The following ANO3 variants were observed in gnomAD, a reference collection of about 807,000 sequenced individuals.
ANO3 encodes the protein anoctamin 3, also known as anoctamin-3.
In ANO3, 99 loss-of-function variants were observed where a neutral mutation model predicts 144.8. The observed-to-expected ratio is 0.68, with a 90% CI of 0.58 to 0.81. ANO3 has a LOEUF of 0.81. Ranked by LOEUF, ANO3 falls within the 30% of genes least tolerant of loss-of-function variation. ANO3 has a pLI of 0.00. For missense variants in ANO3, 905 were observed against 1,202.2 expected, an observed-to-expected ratio of 0.75 and a Z score of 3.66; for synonymous variants, 414 against 392.6, an observed-to-expected ratio of 1.05 and a Z score of -0.64.
At chr11:26,407,410 A>G (rs1857317739) in intron 1 of ANO3, among the ~76,000 whole-genome samples, 1 of 151,740 alleles carries the variant, frequency 6.6e-6, no homozygotes, top group Non-Finnish European at 1.5e-5. Context: ...ATTGGAACAT[A>G]TTCTAGTACT....
At chr11:26,192,706 G>A (rs1284193245) in intron 1 of ANO3, among the ~76,000 whole-genome samples, 2 of 152,152 alleles carry the variant, frequency 1.3e-5, no homozygotes, top group East Asian at 1.9e-4. Flanking sequence ...CATATAGTAA[G>A]TGTGTATGGG....
intron 1 of ANO3, among the ~76,000 whole-genome samples, chr11:26,413,893 A>G (rs1286214130): frequency 6.6e-6 from 1 of 152,108 alleles, no homozygotes; most frequent in African/African-American, 2.4e-5. Context: ...AATGAAGGTT[A>G]AATTAAGTAC....
chr11:26,305,774 C>T (rs1410770343), upstream of ANO3, among the ~76,000 whole-genome samples: 1 of 152,052 alleles, frequency 6.6e-6, no homozygotes, highest in Non-Finnish European at 1.5e-5. Context: ...TATAGTTATA[C>T]CCAGTAAACA....
In ANO3 at chr11:26,660,573, G is replaced by A. The variant is rs1853848806; in HGVS notation, c.*129G>A. 1 of 755,812 alleles carries A rather than the reference G, an allele frequency of 1.3e-6. No individual in the cohort carries two copies. The highest frequency in any genetic ancestry group is 2.2e-5 in the South Asian group (1 of 46,152). 46.8% of individuals were successfully genotyped at this position (755,812 alleles called of 1,614,324 possible). A position where few individuals can be genotyped will look rare whatever the true frequency, so the allele number is the denominator to read the frequency against. ...CATGTATAATATGCTACTTGGAAAT[G>A]TATCACAGCCATCTCTGGGATTTGA... On this transcript the variant is annotated 3_prime_UTR_variant, in exon 27 of 27. Coordinates refer to ENST00000256737, the MANE Select transcript of ANO3 (RefSeq NM_031418.4).
intron 6 of ANO3, among the ~76,000 whole-genome samples, chr11:26,521,394 T>C (rs1256717553): frequency 6.6e-6 from 1 of 152,240 alleles, no homozygotes; most frequent in East Asian, 1.9e-4. Flanking sequence ...ATTTGTTAGC[T>C]ATAATCTTTC....
In ANO3 at chr11:26,543,939, T is replaced by A. The variant is rs547137397; in HGVS notation, c.1154+1871T>A. Among the ~76,000 whole-genome samples the A allele has an allele frequency of 1.8e-4, 28 of 151,852 alleles. No individual in the cohort carries two copies. In the South Asian group the frequency reaches 5.8e-3, roughly 32 times the overall value. On this transcript the variant is annotated intron_variant, in intron 11 of 26. Coordinates refer to ENST00000256737, the MANE Select transcript of ANO3 (RefSeq NM_031418.4). ...AACATACGCTTTTAATTTCAAACAT[T>A]AAGTGTTTTGGTATGTTCAGAACCA...
intron 17 of ANO3, among the ~76,000 whole-genome samples, chr11:26,620,499 C>T (rs1852383506): frequency 2.0e-5 from 3 of 151,512 alleles, no homozygotes; most frequent in Admixed American, 1.3e-4. Flanking sequence ...TTAAATTAAA[C>T]TAAAATTAAA....
At chr11:26,416,876 C>A (rs10501049) in intron 1 of ANO3, among the ~76,000 whole-genome samples, 1 of 152,080 alleles carries the variant, frequency 6.6e-6, no homozygotes, top group African/African-American at 2.4e-5. Context: ...TGGGTAAACA[C>A]AAGGAAATGT....
intron 1 of ANO3, among the ~76,000 whole-genome samples, chr11:26,314,580 C>A (rs1854578778): frequency 6.6e-6 from 1 of 152,010 alleles, no homozygotes; most frequent in Non-Finnish European, 1.5e-5. Flanking sequence ...AGTCAGCCAA[C>A]CTTCCCCTCC....
At chr11:26,624,077 C>A (rs1223245378) in intron 17 of ANO3, among the ~76,000 whole-genome samples, 2 of 152,110 alleles carry the variant, frequency 1.3e-5, no homozygotes, top group Non-Finnish European at 2.9e-5. Context: ...TGAGCCACCG[C>A]GCCCGGCCAA....
intron 21 of ANO3, among the ~76,000 whole-genome samples, chr11:26,641,312 T>C (rs754950091): frequency 5.9e-5 from 9 of 152,136 alleles, no homozygotes; most frequent in Non-Finnish European, 8.8e-5. Flanking sequence ...CTCAGAGAGG[T>C]GAAGTGACTT....
intron 14 of ANO3, among the ~76,000 whole-genome samples, chr11:26,584,813 C>A (rs1266319762): frequency 6.6e-6 from 1 of 152,176 alleles, no homozygotes; most frequent in East Asian, 1.9e-4. Context: ...CTCTATGATT[C>A]TGATAGTCTG....
At chr11:26,242,685 T>C (rs1227198221) in intron 1 of ANO3, among the ~76,000 whole-genome samples, 1 of 152,224 alleles carries the variant, frequency 6.6e-6, no homozygotes, top group African/African-American at 2.4e-5. Flanking sequence ...ATGGAAATAC[T>C]AATTCTGCTA....
chr11:26,385,891 G>GTA (rs778680222), intron 1 of ANO3, among the ~76,000 whole-genome samples: 1 of 116,708 alleles, frequency 8.6e-6, no homozygotes, highest in Non-Finnish European at 1.7e-5. Flanking sequence ...TTCTTTGTGT[G>GTA]TGTATATATA....
chr11:26,360,733 T>C (rs971526015), intron 1 of ANO3, among the ~76,000 whole-genome samples: 85 of 152,308 alleles, frequency 5.6e-4, no homozygotes, highest in Middle Eastern at 3.4e-3. Flanking sequence ...CTGCTCTACT[T>C]TGTCAATTTT....
At chr11:26,328,730 G>T (rs1183884472), upstream of ANO3, among the ~76,000 whole-genome samples, 1 of 152,014 alleles carries the variant, frequency 6.6e-6, no homozygotes, top group Non-Finnish European at 1.5e-5. Flanking sequence ...GAAACCCTAG[G>T]TCCAAAGAGA....
chr11:26,568,875 T>C (rs955060521), intron 14 of ANO3, among the ~76,000 whole-genome samples: 1 of 152,072 alleles, frequency 6.6e-6, no homozygotes, highest in African/African-American at 2.4e-5. Context: ...CTCCTTTTCA[T>C]TATCTACGGC....
chr11:26,446,794 C>T (rs531526013), intron 3 of ANO3, among the ~76,000 whole-genome samples: 2 of 152,270 alleles, frequency 1.3e-5, no homozygotes, highest in South Asian at 4.1e-4. Flanking sequence ...CCTAGCACAT[C>T]ATGGGGGTTC....
chr11:26,358,100 C>A (rs112704016), intron 1 of ANO3, among the ~76,000 whole-genome samples: 5 of 150,790 alleles, frequency 3.3e-5, no homozygotes, highest in African/African-American at 1.2e-4. Context: ...AGCAATACTT[C>A]AAATTTGTTA....
Sources: gnomAD v4.1 joint callset for allele counts (sites outside exome capture counted in the v4.1 genomes callset) on GRCh38, gnomAD v4.1.1 for gene constraint, MANE v1.5 for transcripts, NCBI Gene and HGNC (gene_info 2026-07-23, HGNC 2026-07-21) for gene names.